STK32B: variants seen among roughly 807,000 people sequenced by gnomAD.
The protein encoded by STK32B is serine/threonine kinase 32B, also known as serine/threonine-protein kinase 32B.
STK32B carries 43 observed loss-of-function variants against 52.6 expected under a neutral mutation model. The ratio of observed to expected loss-of-function variants is 0.82; its 90% CI spans 0.64 to 1.05. The LOEUF is 1.05. Among genes scored for constraint, STK32B ranks in the 50% least tolerant of loss-of-function variants. The pLI is 0.00. For synonymous variants in STK32B, 238 were observed against 204.3 expected (o/e 1.17, Z -1.41); for missense variants, 621 against 534.6 (o/e 1.16, Z -1.59).
rs115523824 is a variant in STK32B, at chr4:5,452,167, C to A, written c.667-4640C>A. Reference sequence around the variant, plus strand: ...ACATGAGGACTTTACCCTCTTTGCTCACCCATCAACCACCTCCCTGACCTG... The same window carrying A: ...ACATGAGGACTTTACCCTCTTTGCTAACCCATCAACCACCTCCCTGACCTG... On this transcript the variant is annotated intron_variant, in intron 7 of 11. Coordinates refer to ENST00000282908, the MANE Select transcript of STK32B (RefSeq NM_018401.3). Among the ~76,000 whole-genome samples the A allele has an allele frequency of 9.9e-3, 1,515 of 152,274 alleles. 20 individuals are homozygous for A. The highest frequency in any genetic ancestry group is 0.034 in the African/African-American group (1,433 of 41,564).
At chr4:5,239,154 C>A (rs1047101614) in intron 3 of STK32B, among the ~76,000 whole-genome samples, 1 of 151,966 alleles carries the variant, frequency 6.6e-6, no homozygotes, top group Non-Finnish European at 1.5e-5. Context: ...GCACAGTGTT[C>A]AAGAGGAGGA....
At chr4:5,286,624 T>C (rs1417168700) in intron 3 of STK32B, among the ~76,000 whole-genome samples, 1 of 152,154 alleles carries the variant, frequency 6.6e-6, no homozygotes, top group Non-Finnish European at 1.5e-5. Flanking sequence ...TGTTGCAATG[T>C]AGCACTAGTT....
At chr4:5,445,413 C>T (rs1296147085) in intron 6 of STK32B, among the ~76,000 whole-genome samples, 1 of 152,102 alleles carries the variant, frequency 6.6e-6, no homozygotes, top group East Asian at 1.9e-4. Flanking sequence ...TGGACTTATG[C>T]CTGCAAATTA....
intron 4 of STK32B, among the ~76,000 whole-genome samples, chr4:5,375,963 C>T (rs971686097): frequency 5.3e-5 from 8 of 152,122 alleles, no homozygotes; most frequent in Non-Finnish European, 7.4e-5. Context: ...CAGCCTATGC[C>T]CACCTCCACC....
chr4:5,444,213 T>A (rs1442337700), intron 6 of STK32B, among the ~76,000 whole-genome samples: 1 of 152,202 alleles, frequency 6.6e-6, no homozygotes, highest in Non-Finnish European at 1.5e-5. Flanking sequence ...GCTGCCGCCT[T>A]GCAGTTTGAT....
At chr4:5,397,874 G>A (rs1737019313) in intron 4 of STK32B, among the ~76,000 whole-genome samples, 1 of 152,230 alleles carries the variant, frequency 6.6e-6, no homozygotes, top group Admixed American at 6.5e-5. Flanking sequence ...CCTCAAGGTG[G>A]GCAGGTGCTT....
intron 1 of STK32B, among the ~76,000 whole-genome samples, chr4:5,061,985 A>G (rs1238572311): frequency 6.6e-6 from 1 of 152,164 alleles, no homozygotes; most frequent in East Asian, 1.9e-4. Flanking sequence ...TAACTCCTCC[A>G]AACAGATTTT....
chr4:5,176,552 T>G (rs1719918644), intron 3 of STK32B, among the ~76,000 whole-genome samples: 1 of 151,158 alleles, frequency 6.6e-6, no homozygotes, highest in Non-Finnish European at 1.5e-5. Flanking sequence ...TAAGTGATTC[T>G]CCTTCCTCAA....
At chr4:5,062,494 T>G (rs545695411) in intron 1 of STK32B, among the ~76,000 whole-genome samples, 1 of 152,206 alleles carries the variant, frequency 6.6e-6, no homozygotes, top group African/African-American at 2.4e-5. Context: ...ATTACAATGT[T>G]TAGTTTTGTT....
chr4:5,302,295 T>C (rs896329313), intron 3 of STK32B, among the ~76,000 whole-genome samples: 3 of 152,156 alleles, frequency 2.0e-5, no homozygotes, highest in African/African-American at 7.2e-5. Context: ...ATTCTGTGTG[T>C]ATGTTTTCAG....
intron 4 of STK32B, among the ~76,000 whole-genome samples, chr4:5,385,606 C>G (rs1736194642): frequency 6.6e-6 from 1 of 152,054 alleles, no homozygotes; most frequent in Admixed American, 6.5e-5. Flanking sequence ...GAAATGACCA[C>G]ACTCCTCCCA....
intron 1 of STK32B, among the ~76,000 whole-genome samples, chr4:5,136,388 T>TCTCC (rs1716080812): frequency 6.6e-6 from 1 of 151,534 alleles, no homozygotes; most frequent in Non-Finnish European, 1.5e-5. Context: ...CCTTTGCAGC[T>TCTCC]CTAAGAGTCT....
chr4:5,261,151 G>A (rs185439827), intron 3 of STK32B, among the ~76,000 whole-genome samples: 4 of 152,224 alleles, frequency 2.6e-5, no homozygotes, highest in African/African-American at 7.2e-5. Flanking sequence ...AAGGGGGTCC[G>A]GGTAGCACAT....
intron 3 of STK32B, among the ~76,000 whole-genome samples, chr4:5,255,199 A>G (rs1288814842): frequency 2.0e-5 from 3 of 152,236 alleles, no homozygotes; most frequent in Non-Finnish European, 4.4e-5. Context: ...CTCTGAGAGC[A>G]TATAGCAAAG....
At chr4:5,143,666 C>T (rs940863407) in intron 2 of STK32B, among the ~76,000 whole-genome samples, 1 of 152,164 alleles carries the variant, frequency 6.6e-6, no homozygotes, top group Non-Finnish European at 1.5e-5. Context: ...TTTCCACAGG[C>T]CCTTGCTCCT....
chr4:5,441,599 T>C (rs1264134068), intron 6 of STK32B, among the ~76,000 whole-genome samples: 1 of 151,910 alleles, frequency 6.6e-6, no homozygotes. Context: ...GTGTCTCTAT[T>C]TCCTTCAGTT....
At chr4:5,106,298 C>T (rs1428498711) in intron 1 of STK32B, among the ~76,000 whole-genome samples, 3 of 152,034 alleles carry the variant, frequency 2.0e-5, no homozygotes, top group African/African-American at 4.8e-5. Flanking sequence ...GAGACTCCAT[C>T]TCAAAAAAAA....
At chr4:5,488,663 C>G (rs1405043532) in intron 11 of STK32B, among the ~76,000 whole-genome samples, 1 of 152,136 alleles carries the variant, frequency 6.6e-6, no homozygotes, top group African/African-American at 2.4e-5. Context: ...ATAACTCAGT[C>G]ATTTTATTTG....
chr4:5,426,359 C>A (rs1713089601), intron 6 of STK32B, among the ~76,000 whole-genome samples: 1 of 152,078 alleles, frequency 6.6e-6, no homozygotes, highest in Non-Finnish European at 1.5e-5. Context: ...TGTTTGCCAT[C>A]CATATATTTT....
Sources: gnomAD v4.1 joint callset for allele counts (sites outside exome capture counted in the v4.1 genomes callset) on GRCh38, gnomAD v4.1.1 for gene constraint, MANE v1.5 for transcripts, NCBI Gene and HGNC (gene_info 2026-07-23, HGNC 2026-07-21) for gene names.